Variants in GNAO1 observed in about 807,000 individuals in gnomAD.
The protein encoded by GNAO1 is G protein subunit alpha o1, also known as guanine nucleotide-binding protein G(o) subunit alpha.
For missense variants in GNAO1, 166 were observed against 478.7 expected (o/e 0.35, Z 6.10); for synonymous variants, 164 against 180.7 (o/e 0.91, Z 0.74).
chr16:56,244,792 C>A (rs572084354), intron 2 of GNAO1, among the ~76,000 whole-genome samples: 1 of 152,240 alleles, frequency 6.6e-6, no homozygotes, highest in African/African-American at 2.4e-5. Flanking sequence ...GGCAAATGCA[C>A]GTGCTGTCAG....
chr16:56,328,971 C>A, intron 4 of GNAO1, 180 bp downstream of exon 4: 1 of 601,648 alleles, frequency 1.7e-6, no homozygotes, highest in South Asian at 2.0e-5. Flanking sequence ...CTTCCTGCAC[C>A]CCAGGAGGAG....
intron 2 of GNAO1, among the ~76,000 whole-genome samples, chr16:56,252,127 G>A (rs2036805388): frequency 6.6e-6 from 1 of 152,216 alleles, no homozygotes; most frequent in Non-Finnish European, 1.5e-5. Flanking sequence ...CAAATGAGCT[G>A]ATCAGGCCAA....
rs201481795 is a variant in GNAO1, at chr16:56,213,903, CAG to C, written c.161+21288_161+21289del. 7.8e-3 allele frequency among the ~76,000 whole-genome samples: 1,194 copies of C among 152,160 alleles called. 13 individuals carry two copies. The highest frequency in any genetic ancestry group is 9.1e-3 in the Non-Finnish European group (616 of 68,008). On this transcript the variant is annotated intron_variant, in intron 2 of 8. Coordinates refer to ENST00000262493, the MANE Select transcript of GNAO1 (RefSeq NM_020988.3). ...TCTCTGGGTGTGGTCTCACTAAAGA[CAG>C]GGGCGGGAAAGAAATCCCCATCACA... is the stretch of plus-strand genomic sequence containing the variant.
At chr16:56,313,798 C>T (rs1313496512) in intron 3 of GNAO1, among the ~76,000 whole-genome samples, 1 of 152,188 alleles carries the variant, frequency 6.6e-6, no homozygotes, top group Non-Finnish European at 1.5e-5. Context: ...TGACAACTCA[C>T]TCCAGCCTCA....
At chr16:56,298,168 T>C (rs1213477963) in intron 3 of GNAO1, among the ~76,000 whole-genome samples, 1 of 152,202 alleles carries the variant, frequency 6.6e-6, no homozygotes, top group African/African-American at 2.4e-5. Context: ...CGAGACCCTG[T>C]CTCAAAAAAT....
intron 2 of GNAO1, among the ~76,000 whole-genome samples, chr16:56,211,367 A>G (rs2036385739): frequency 6.6e-6 from 1 of 152,200 alleles, no homozygotes; most frequent in Non-Finnish European, 1.5e-5. Context: ...ACACCAGACT[A>G]CATGCCTTCT....
At chr16:56,264,911 C>G (rs2036937696) in intron 2 of GNAO1, among the ~76,000 whole-genome samples, 1 of 151,648 alleles carries the variant, frequency 6.6e-6, no homozygotes, top group South Asian at 2.1e-4. Flanking sequence ...GTTCGCATAC[C>G]ATACAGCTTC....
At chr16:56,269,420 C>G (rs1226850793) in intron 2 of GNAO1, among the ~76,000 whole-genome samples, 2 of 152,204 alleles carry the variant, frequency 1.3e-5, no homozygotes, top group Non-Finnish European at 2.9e-5. Context: ...ACTGCACGTT[C>G]TCCCCCGTCC....
At chr16:56,257,942 C>A (rs1230612558) in intron 2 of GNAO1, among the ~76,000 whole-genome samples, 1 of 152,224 alleles carries the variant, frequency 6.6e-6, no homozygotes, top group Non-Finnish European at 1.5e-5. Flanking sequence ...GGAGGCAGAC[C>A]AGCATGTCCG....
intron 3 of GNAO1, among the ~76,000 whole-genome samples, chr16:56,310,748 C>A (rs2037449291): frequency 1.3e-5 from 2 of 152,108 alleles, no homozygotes; most frequent in Admixed American, 1.3e-4. Context: ...GCTGCTATAA[C>A]AAATACACCC....
chr16:56,211,426 G>A (rs567415934), intron 2 of GNAO1, among the ~76,000 whole-genome samples: 1 of 152,226 alleles, frequency 6.6e-6, no homozygotes, highest in East Asian at 1.9e-4. Context: ...CCTACCTCCA[G>A]CTATGCCGTC....
At chr16:56,258,831 G>A (rs1403628802) in intron 2 of GNAO1, among the ~76,000 whole-genome samples, 1 of 152,202 alleles carries the variant, frequency 6.6e-6, no homozygotes, top group Non-Finnish European at 1.5e-5. Flanking sequence ...ATAGCTCTTG[G>A]GTGGGAGTAG....
intron 2 of GNAO1, among the ~76,000 whole-genome samples, chr16:56,228,369 A>G (rs549580772): frequency 6.6e-6 from 1 of 151,698 alleles, no homozygotes; most frequent in Non-Finnish European, 1.5e-5. Context: ...ATGCATATGT[A>G]TGTGTATATA....
intron 2 of GNAO1, among the ~76,000 whole-genome samples, chr16:56,232,919 T>C (rs2036604430): frequency 6.6e-6 from 1 of 152,262 alleles, no homozygotes; most frequent in Non-Finnish European, 1.5e-5. Flanking sequence ...CTATAGGCCA[T>C]TTCCATTTTG....
chr16:56,235,135 G>A (rs2143409441), intron 2 of GNAO1: 1 of 356,354 alleles, frequency 2.8e-6, no homozygotes, highest in East Asian at 7.4e-5. Context: ...CGAAGAGGAG[G>A]AAGCAGCATG....
intron 2 of GNAO1, among the ~76,000 whole-genome samples, chr16:56,212,861 A>C (rs1329921438): frequency 2.0e-5 from 3 of 152,258 alleles, no homozygotes; most frequent in Non-Finnish European, 2.9e-5. Flanking sequence ...GTGATGAACT[A>C]TCATTTCTGA....
intron 2 of GNAO1, among the ~76,000 whole-genome samples, chr16:56,218,481 G>A (rs906089917): frequency 5.3e-5 from 8 of 152,068 alleles, no homozygotes; most frequent in Admixed American, 3.9e-4. Context: ...GAGAGATGAC[G>A]AGACCTGGTG....
rs2037461610 is a variant in GNAO1 at position 56,311,776 on chromosome 16, C to T, written c.304-16855C>T. ...TGGGCTGTCCACCTCCTGCCCCGCCCAGCACGGCCCGCTGGGACCTCCTTG... is the reference window on the plus strand; with the variant it reads ...TGGGCTGTCCACCTCCTGCCCCGCCTAGCACGGCCCGCTGGGACCTCCTTG... On this transcript the variant is annotated intron_variant, in intron 3 of 8. Transcript: ENST00000262493. This position sits in a 1 kb window ranked among gnomAD's most constrained non-coding sequence, Gnocchi z 5.2. Among the ~76,000 whole-genome samples, 1 of 152,094 alleles carries T rather than the reference C, an allele frequency of 6.6e-6. No homozygotes were observed. Among genetic ancestry groups the T allele is most frequent in the South Asian group, 2.1e-4 (1 of 4,824 alleles).
chr16:56,353,538 A>T (rs934715960), intron 7 of GNAO1: 1 of 152,474 alleles, frequency 6.6e-6, no homozygotes, highest in Non-Finnish European at 1.5e-5. Context: ...CCGGCTGTCT[A>T]AGGGACGTGT....
Sources: allele counts gnomAD v4.1 joint callset (sites outside exome capture counted in the v4.1 genomes callset), GRCh38; gene constraint gnomAD v4.1.1; non-coding constraint Gnocchi (gnomAD v3.1); transcripts MANE v1.5; gene names NCBI Gene and HGNC (gene_info 2026-07-23, HGNC 2026-07-21).